The following ERBB4 variants were observed in gnomAD, a reference collection of about 807,000 sequenced individuals.
ERBB4 encodes the protein erb-b2 receptor tyrosine kinase 4, also known as receptor tyrosine-protein kinase erbB-4.
A neutral mutation model predicts 158.0 loss-of-function variants in ERBB4; 42 were observed. The observed-to-expected ratio is 0.27, with a 90% confidence interval of 0.21 to 0.34. ERBB4 has a LOEUF of 0.34. Ranked by LOEUF, ERBB4 falls within the 10% of genes least tolerant of loss-of-function variation. ERBB4 has a pLI of 1.00. For missense variants in ERBB4, 1,333 were observed against 1,624.1 expected, an observed-to-expected ratio of 0.82 and a Z score of 3.08; for synonymous variants, 583 against 558.7, an observed-to-expected ratio of 1.04 and a Z score of -0.61.
chr2:211,739,465 T>C (rs938233473), intron 5 of ERBB4, among the ~76,000 whole-genome samples: 2 of 152,094 alleles, frequency 1.3e-5, no homozygotes, highest in Non-Finnish European at 2.9e-5. Context: ...TCTGGCTATT[T>C]ATTTATTTAT....
At chr2:212,267,503 G>A (rs2106107240) in intron 1 of ERBB4, among the ~76,000 whole-genome samples, 1 of 151,518 alleles carries the variant, frequency 6.6e-6, no homozygotes, top group Non-Finnish European at 1.5e-5. Flanking sequence ...GACTGCTTTA[G>A]TAGAGAAACT....
intron 19 of ERBB4, among the ~76,000 whole-genome samples, chr2:211,618,796 T>C (rs904410000): frequency 1.3e-5 from 2 of 152,144 alleles, no homozygotes; most frequent in Non-Finnish European, 2.9e-5. Context: ...ACATGAGCTT[T>C]GGTTATTAAA....
chr2:211,698,111 G>T (rs1307140157), intron 12 of ERBB4, among the ~76,000 whole-genome samples: 1 of 152,104 alleles, frequency 6.6e-6, no homozygotes, highest in Non-Finnish European at 1.5e-5. Flanking sequence ...GAGATCAGGA[G>T]TTCAAGACCA....
At chr2:211,524,331 C>G (rs887581703) in intron 20 of ERBB4, among the ~76,000 whole-genome samples, 2 of 152,220 alleles carry the variant, frequency 1.3e-5, no homozygotes, top group African/African-American at 4.8e-5. Flanking sequence ...GGATCCCTCA[C>G]GGGGGCTGCA....
At chr2:211,688,294 C>G (rs2072652529) in intron 12 of ERBB4, among the ~76,000 whole-genome samples, 1 of 152,136 alleles carries the variant, frequency 6.6e-6, no homozygotes, top group Non-Finnish European at 1.5e-5. Context: ...CTCTGTGCTG[C>G]TTTCCTCTCT....
chr2:211,516,298 G>A (rs1042070304), intron 20 of ERBB4, among the ~76,000 whole-genome samples: 7 of 150,660 alleles, frequency 4.6e-5, no homozygotes, highest in Admixed American at 1.3e-4. Context: ...AATCTCTTTT[G>A]TGGGTTTGTT....
intron 1 of ERBB4, among the ~76,000 whole-genome samples, chr2:212,146,986 C>CTT (rs34029473): frequency 0.35 from 27,076 of 77,358 alleles, 7,545 homozygotes; most frequent in African/African-American, 0.58. Context: ...CATTGTTAGA[C>CTT]TTTTTTTTTT....
In ERBB4 at chr2:211,529,575, G is replaced by A. The variant is rs113943118; in HGVS notation, c.2487+32328C>T. ...AAAGCTACAGGCCAATATCGCTGAT[G>A]AACACTGATGCAAAAATTTTTAACA... On this transcript the variant is annotated intron_variant, in intron 20 of 27. Transcript: ENST00000342788. Among the ~76,000 whole-genome samples, 1,180 of 152,098 alleles carry A rather than the reference G, an allele frequency of 7.8e-3. 14 individuals are homozygous for A. Among genetic ancestry groups the A allele is most frequent in the African/African-American group, 0.027 (1,116 of 41,518 alleles).
intron 1 of ERBB4, among the ~76,000 whole-genome samples, chr2:212,174,893 G>A (rs1319817749): frequency 2.0e-5 from 3 of 151,904 alleles, no homozygotes; most frequent in Admixed American, 6.6e-5. Flanking sequence ...TTTATAATTC[G>A]ATCTAAGTCT....
chr2:211,692,465 C>T (rs1427371001), intron 12 of ERBB4, among the ~76,000 whole-genome samples: 2 of 152,142 alleles, frequency 1.3e-5, no homozygotes, highest in East Asian at 1.9e-4. Flanking sequence ...TTTAGTCTCT[C>T]ATAGTTCTGG....
rs1417188412 is a variant in ERBB4, at chr2:212,321,367, T to C, written c.83-196464A>G. On this transcript the variant is annotated intron_variant, in intron 1 of 27. Coordinates refer to ENST00000342788, the MANE Select transcript of ERBB4 (RefSeq NM_005235.3). ...AGAAGTTGACAAGAGCTTAACTTAA[T>C]TAGAATCTAATATAATTTAAGACAC... is the stretch of plus-strand genomic sequence containing the variant. Among the ~76,000 whole-genome samples, 3 of 150,638 alleles carry C rather than the reference T, an allele frequency of 2.0e-5. 1 individual carries two copies. The highest frequency in any genetic ancestry group is 2.0e-4 in the East Asian group (1 of 5,118).
chr2:211,640,489 T>C lies in ERBB4; in HGVS notation c.1947-9895A>G, dbSNP rs147401508. ...CCTTTTCCTAGATATTTTATATGTG[T>C]TATGTCAAATAACTCTTCCAATATA... On this transcript the variant is annotated intron_variant, in intron 16 of 27. Coordinates refer to ENST00000342788, the MANE Select transcript of ERBB4 (RefSeq NM_005235.3). Among the ~76,000 whole-genome samples the C allele has an allele frequency of 2.0e-4, 31 of 152,304 alleles. No homozygotes were observed. The East Asian group carries it at 6.0e-3, about 29-fold the overall frequency.
chr2:212,085,748 TA>T (rs927663754), intron 2 of ERBB4, among the ~76,000 whole-genome samples: 4 of 151,996 alleles, frequency 2.6e-5, no homozygotes, highest in African/African-American at 9.6e-5. Context: ...ATAAGGAAGG[TA>T]AAAATTATAC....
At position 211,795,791 on chromosome 2, in the gene ERBB4, G is replaced by A. The variant is rs1005368557; in HGVS notation, c.422-7632C>T. On this transcript the variant is annotated intron_variant, in intron 3 of 27. Transcript: ENST00000342788. ...TCTCGTTGGTCAGAATGAAGTCAACGAGCCACAGCTAGGTGCATGGAAGGA... is the reference window on the plus strand; with the variant it reads ...TCTCGTTGGTCAGAATGAAGTCAACAAGCCACAGCTAGGTGCATGGAAGGA... 7.9e-5 allele frequency among the ~76,000 whole-genome samples: 12 copies of A among 151,794 alleles called. No individual in the cohort carries two copies. The East Asian group carries it at 1.2e-3, about 15-fold the overall frequency.
At chr2:211,643,264 G>A (rs1306843201) in intron 16 of ERBB4, among the ~76,000 whole-genome samples, 1 of 152,142 alleles carries the variant, frequency 6.6e-6, no homozygotes, top group Non-Finnish European at 1.5e-5. Flanking sequence ...TAGAGCTGAT[G>A]AAGCCTATCC....
At chr2:212,452,974 T>A (rs1688082199) in intron 1 of ERBB4, among the ~76,000 whole-genome samples, 1 of 152,202 alleles carries the variant, frequency 6.6e-6, no homozygotes, top group South Asian at 2.1e-4. Context: ...TTTGTTAATT[T>A]ATCTTACTGG....
chr2:211,486,578 G>A (rs1365364542), intron 20 of ERBB4, among the ~76,000 whole-genome samples: 7 of 152,128 alleles, frequency 4.6e-5, no homozygotes, highest in African/African-American at 7.2e-5. Context: ...CTTTTGATAC[G>A]TAACAGGTGA....
At chr2:211,791,591 A>G (rs1409268261) in intron 3 of ERBB4, among the ~76,000 whole-genome samples, 4 of 151,914 alleles carry the variant, frequency 2.6e-5, no homozygotes, top group African/African-American at 9.7e-5. Context: ...GCAGAAAATT[A>G]TCAGAGTAAA....
intron 1 of ERBB4, among the ~76,000 whole-genome samples, chr2:212,156,943 A>T (rs2081052296): frequency 6.6e-6 from 1 of 151,816 alleles, no homozygotes; most frequent in Non-Finnish European, 1.5e-5. Flanking sequence ...ACAGGAATGG[A>T]CTCCTAACTG....
Sources: allele counts gnomAD v4.1 joint callset (sites outside exome capture counted in the v4.1 genomes callset), GRCh38; gene constraint gnomAD v4.1.1; transcripts MANE v1.5; gene names NCBI Gene and HGNC (gene_info 2026-07-23, HGNC 2026-07-21).